NRXN3: variants seen among roughly 807,000 people sequenced by gnomAD.
NRXN3 encodes neurexin III.
In NRXN3, 32 loss-of-function variants were observed where a neutral mutation model predicts 137.6. The ratio of observed to expected loss-of-function variants is 0.23; its 90% confidence interval spans 0.18 to 0.31. The LOEUF (loss-of-function observed/expected upper bound fraction) is 0.31. NRXN3 is among the 10% of genes least tolerant of loss of function. NRXN3 has a pLI of 1.00. For synonymous variants in NRXN3, 798 were observed against 784.5 expected (o/e 1.02, Z -0.29); for missense variants, 1,574 against 2,062.5 (o/e 0.76, Z 4.59).
intron 4 of NRXN3, among the ~76,000 whole-genome samples, chr14:78,310,231 A>G (rs1234130068): frequency 6.8e-6 from 1 of 146,484 alleles, no homozygotes; most frequent in African/African-American, 2.5e-5. Context: ...ATCTAAGGTC[A>G]TTCATCCTGA....
chr14:79,345,341 T>A (rs1489988712), intron 15 of NRXN3, among the ~76,000 whole-genome samples: 1 of 152,182 alleles, frequency 6.6e-6, no homozygotes, highest in Non-Finnish European at 1.5e-5. Flanking sequence ...TTAAATTACT[T>A]GCTTTAGGTG....
chr14:79,067,027 G>A (rs771520584), intron 15 of NRXN3, among the ~76,000 whole-genome samples: 3 of 152,078 alleles, frequency 2.0e-5, no homozygotes, highest in Non-Finnish European at 4.4e-5. Context: ...GTGAGGAAAG[G>A]CATCGTTGTC....
chr14:79,374,839 G>T (rs2094213472), intron 15 of NRXN3, among the ~76,000 whole-genome samples: 1 of 151,970 alleles, frequency 6.6e-6, no homozygotes, highest in African/African-American at 2.4e-5. Context: ...GATTACTTTG[G>T]TACCAATTAT....
intron 7 of NRXN3, among the ~76,000 whole-genome samples, chr14:78,710,715 G>T (rs949902035): frequency 6.6e-6 from 1 of 152,218 alleles, no homozygotes; most frequent in Non-Finnish European, 1.5e-5. Context: ...GAGTGACTGA[G>T]CTTTGGTGGG....
intron 20 of NRXN3, among the ~76,000 whole-genome samples, chr14:79,850,016 T>A (rs778605859): frequency 5.9e-5 from 9 of 152,192 alleles, no homozygotes; most frequent in Non-Finnish European, 1.0e-4. Flanking sequence ...GATTCAGAAA[T>A]GAGCCATCCA....
chr14:78,442,942 T>A (rs987651530), intron 4 of NRXN3, among the ~76,000 whole-genome samples: 1 of 152,186 alleles, frequency 6.6e-6, no homozygotes, highest in Non-Finnish European at 1.5e-5. Flanking sequence ...ATGGTAAACC[T>A]GAGAGGTGGT....
At chr14:78,701,240 A>G (rs2098275125) in intron 6 of NRXN3, among the ~76,000 whole-genome samples, 1 of 152,196 alleles carries the variant, frequency 6.6e-6, no homozygotes, top group Non-Finnish European at 1.5e-5. Flanking sequence ...ATCTTGCTTA[A>G]CTTCTTACTG....
At chr14:79,011,558 G>A (rs2099571382) in intron 15 of NRXN3, among the ~76,000 whole-genome samples, 2 of 151,286 alleles carry the variant, frequency 1.3e-5, no homozygotes, top group African/African-American at 4.9e-5. Context: ...TGAAAATTTT[G>A]GACACTCCTT....
At chr14:78,683,736 GA>G (rs1261400766) in intron 6 of NRXN3, among the ~76,000 whole-genome samples, 1 of 152,136 alleles carries the variant, frequency 6.6e-6, no homozygotes, top group Non-Finnish European at 1.5e-5. Flanking sequence ...TGTATGTCAG[GA>G]AAAGGAATGC....
rs1185262366 is a variant in NRXN3 at position 79,422,697 on chromosome 14, CT to C, written c.3263-44504del. 8.8e-3 allele frequency among the ~76,000 whole-genome samples: 1,144 copies of C among 130,160 alleles called. 29 individuals are homozygous for C. In the East Asian group the frequency reaches 0.12, roughly 14 times the overall value. 85.4% of individuals were successfully genotyped at this position (130,160 alleles called of 152,430 possible). On this transcript the variant is annotated intron_variant, in intron 15 of 20. Coordinates refer to ENST00000335750, the MANE Select transcript of NRXN3 (RefSeq NM_001330195.2). Reference sequence around the variant, plus strand: ...AATTCTAATACTTCAGTTCCACATTCTTTTTTTTTTTTTTTTTTTTGAGACG... The same window carrying C: ...AATTCTAATACTTCAGTTCCACATTCTTTTTTTTTTTTTTTTTTTGAGACG...
chr14:79,540,196 C>T (rs1321709419), intron 16 of NRXN3, among the ~76,000 whole-genome samples: 1 of 99,144 alleles, frequency 1.0e-5, no homozygotes, highest in Non-Finnish European at 2.0e-5. Context: ...CTTGAAACAA[C>T]TCTCTGAACA....
At chr14:79,556,202 A>G (rs2097428062) in intron 16 of NRXN3, among the ~76,000 whole-genome samples, 1 of 152,160 alleles carries the variant, frequency 6.6e-6, no homozygotes, top group Non-Finnish European at 1.5e-5. Context: ...AATACCTACA[A>G]ACATGTCCAG....
intron 4 of NRXN3, among the ~76,000 whole-genome samples, chr14:78,456,729 C>A (rs2094713831): frequency 6.6e-6 from 1 of 151,952 alleles, no homozygotes; most frequent in Non-Finnish European, 1.5e-5. Context: ...ACTGGCTTAT[C>A]CCACAGGATT....
chr14:79,688,772 G>A (rs2154022963), intron 17 of NRXN3, among the ~76,000 whole-genome samples: 1 of 152,222 alleles, frequency 6.6e-6, no homozygotes, highest in Non-Finnish European at 1.5e-5. Flanking sequence ...TGTGCTTGTT[G>A]CACACGTCTC....
chr14:79,695,251 G>C (rs1405190335), intron 18 of NRXN3, among the ~76,000 whole-genome samples: 1 of 151,884 alleles, frequency 6.6e-6, no homozygotes, highest in Non-Finnish European at 1.5e-5. Context: ...GTAAGCACTG[G>C]CATAATAACA....
intron 10 of NRXN3, among the ~76,000 whole-genome samples, chr14:78,868,892 C>T (rs528003212): frequency 6.6e-6 from 1 of 152,196 alleles, no homozygotes; most frequent in Non-Finnish European, 1.5e-5. Flanking sequence ...ATCCCATTCA[C>T]TTAGCATCAT....
intron 6 of NRXN3, among the ~76,000 whole-genome samples, chr14:78,705,711 C>G (rs1260019806): frequency 6.6e-6 from 1 of 152,178 alleles, no homozygotes; most frequent in Non-Finnish European, 1.5e-5. Context: ...TATCGAGGCT[C>G]TTACCTTTGG....
At chr14:78,226,407 A>T (rs1245923249) in intron 1 of NRXN3, among the ~76,000 whole-genome samples, 1 of 152,140 alleles carries the variant, frequency 6.6e-6, no homozygotes, top group African/African-American at 2.4e-5. Flanking sequence ...TGTCACCTTC[A>T]CCTTTCTGCG....
chr14:78,456,811 T>TTCTTTC (rs1209020467), intron 4 of NRXN3, among the ~76,000 whole-genome samples: 2 of 115,162 alleles, frequency 1.7e-5, no homozygotes, highest in Admixed American at 1.8e-4. Flanking sequence ...CTTTCTTTCT[T>TTCTTTC]TCTTTCTTTC....
Sources: gnomAD v4.1 joint callset for allele counts (sites outside exome capture counted in the v4.1 genomes callset) on GRCh38, gnomAD v4.1.1 for gene constraint, MANE v1.5 for transcripts, NCBI Gene and HGNC (gene_info 2026-07-23, HGNC 2026-07-21) for gene names.